CUL4A: variants seen among roughly 807,000 people sequenced by gnomAD.
The protein encoded by CUL4A is cullin-4A.
Under a neutral mutation model 95.5 loss-of-function variants are expected in CUL4A, and 16 were observed. That is an observed-to-expected ratio of 0.17 (90% CI 0.11 to 0.25). The LOEUF (loss-of-function observed/expected upper bound fraction) is 0.25. CUL4A is among the 10% of genes least tolerant of loss of function. The pLI, the probability that CUL4A is intolerant of heterozygous loss-of-function variation, is 1.00. For missense variants in CUL4A, 610 were observed against 937.0 expected, an observed-to-expected ratio of 0.65 and a Z score of 4.56; for synonymous variants, 380 against 353.1, an observed-to-expected ratio of 1.08 and a Z score of -0.85.
intron 3 of CUL4A, 164 bp downstream of exon 3, chr13:113,219,212 A>AT (rs2040807788): frequency 6.0e-6 from 3 of 499,896 alleles, no homozygotes; most frequent in Non-Finnish European, 1.0e-5. Flanking sequence ...CATTTAAATT[A>AT]TTTTGCTGAT....
intron 2 of CUL4A, among the ~76,000 whole-genome samples, chr13:113,218,479 A>G (rs761269892): frequency 6.6e-6 from 1 of 152,146 alleles, no homozygotes; most frequent in Non-Finnish European, 1.5e-5. Context: ...CACTGAGGGA[A>G]AAGATTTTCT....
intron 3 of CUL4A, among the ~76,000 whole-genome samples, chr13:113,222,625 G>A (rs960272186): frequency 1.3e-5 from 2 of 152,216 alleles, no homozygotes; most frequent in African/African-American, 4.8e-5. Flanking sequence ...TGGATGAGAT[G>A]CCCAGGAAAA....
intron 6 of CUL4A, 130 bp from the exon 7 acceptor site, chr13:113,233,767 G>A (rs1305654194): frequency 1.6e-5 from 11 of 676,690 alleles, no homozygotes; most frequent in East Asian, 2.7e-5. Context: ...GCAGCCGGCC[G>A]GCTGGGTGGC....
intron 6 of CUL4A, among the ~76,000 whole-genome samples, chr13:113,233,602 A>G (rs1337170147): frequency 6.6e-6 from 1 of 152,242 alleles, no homozygotes; most frequent in Admixed American, 6.5e-5. Context: ...TTCATGGAAA[A>G]TATAAACAGA....
At chr13:113,215,202 T>TCTCTCGTCC in intron 2 of CUL4A, among the ~76,000 whole-genome samples, 1 of 88,862 alleles carries the variant, frequency 1.1e-5, no homozygotes, top group Middle Eastern at 6.6e-3. Flanking sequence ...TATGGAGGTC[T>TCTCTCGTCC]GTGTGGGAGT....
At chr13:113,256,913 C>CTTTTTTTTTTCTTTTTTTTTTTTTT (rs1566372467) in intron 18 of CUL4A, among the ~76,000 whole-genome samples, 1 of 77,886 alleles carries the variant, frequency 1.3e-5, no homozygotes, top group Non-Finnish European at 2.4e-5. Flanking sequence ...TGCTTTGTCC[C>CTTTTTTTTTTCTTTTTTTTTTTTTT]TTTTTTTTTT....
Position 113,260,223 on chromosome 13 carries a change from T to C in CUL4A, c.2032-384T>C, listed in dbSNP as rs149515742. 3.8e-3 allele frequency among the ~76,000 whole-genome samples: 107 copies of C among 28,348 alleles called. 1 individual carries two copies. The highest frequency in any genetic ancestry group is 0.018 in the African/African-American group (100 of 5,586). The allele number at this position is 28,348 out of a possible 152,430, so 18.6% of individuals were successfully genotyped here. ...CGTCTCAAAAAAAAAAAAAAAACCA[T>C]TTCCCATCAAATTCGGTAACATCAG... On this transcript the variant is annotated intron_variant, in intron 18 of 19. Transcript: ENST00000375440.
chr13:113,235,272 A>G, intron 8 of CUL4A, 127 bp downstream of exon 8: 1 of 623,110 alleles, frequency 1.6e-6, no homozygotes, highest in South Asian at 2.2e-5. Flanking sequence ...TGCACCTAGC[A>G]TATTTTACTT....
At chr13:113,261,389 C>A (rs1364335307) in intron 19 of CUL4A, among the ~76,000 whole-genome samples, 2 of 152,180 alleles carry the variant, frequency 1.3e-5, no homozygotes, top group African/African-American at 4.8e-5. Context: ...TCCCCAGATT[C>A]CATGTTGTGC....
intron 2 of CUL4A, among the ~76,000 whole-genome samples, chr13:113,211,221 T>C (rs1485782986): frequency 6.6e-6 from 1 of 152,274 alleles, no homozygotes; most frequent in Admixed American, 6.5e-5. Flanking sequence ...TGCAGTCATG[T>C]ATTTCATAGT....
chr13:113,236,973 C>A, intron 9 of CUL4A, 83 bp downstream of exon 9: 1 of 911,738 alleles, frequency 1.1e-6, no homozygotes, highest in Non-Finnish European at 1.7e-6. Flanking sequence ...TTACAAATAG[C>A]AGTGTTAGGA....
chr13:113,240,347 C>G (rs535616832), intron 10 of CUL4A, among the ~76,000 whole-genome samples: 1 of 152,290 alleles, frequency 6.6e-6, no homozygotes, highest in East Asian at 1.9e-4. Flanking sequence ...GTTGCCCAGC[C>G]CAAGAAACCT....
chr13:113,225,072 T>G (rs1364822792), intron 3 of CUL4A, among the ~76,000 whole-genome samples: 2 of 152,200 alleles, frequency 1.3e-5, no homozygotes, highest in African/African-American at 2.4e-5. Flanking sequence ...ATAGGTAGGT[T>G]TTTTTCTATG....
intron 15 of CUL4A, among the ~76,000 whole-genome samples, chr13:113,252,121 T>C (rs1042103121): frequency 6.6e-6 from 1 of 152,126 alleles, no homozygotes; most frequent in Non-Finnish European, 1.5e-5. Context: ...ACACACAGCC[T>C]GCCCCTGAGA....
At chr13:113,231,456 G>A (rs2139175822) in intron 5 of CUL4A, among the ~76,000 whole-genome samples, 1 of 152,260 alleles carries the variant, frequency 6.6e-6, no homozygotes, top group Middle Eastern at 3.4e-3. Context: ...TGGGAGGTGG[G>A]GAGGGATAGA....
At chr13:113,236,001 G>A (rs1047185888) in intron 8 of CUL4A, among the ~76,000 whole-genome samples, 1 of 151,864 alleles carries the variant, frequency 6.6e-6, no homozygotes, top group Non-Finnish European at 1.5e-5. Context: ...ATGATACAGT[G>A]TGCAGAACTG....
chr13:113,210,432 C>T (rs1364726091), intron 2 of CUL4A, among the ~76,000 whole-genome samples: 3 of 152,178 alleles, frequency 2.0e-5, no homozygotes, highest in South Asian at 4.1e-4. Context: ...TCACTTGCCA[C>T]AGTAATAAGA....
chr13:113,209,824 C>T (rs753747287), intron 1 of CUL4A, 49 bp downstream of exon 1: 322 of 1,162,940 alleles, frequency 2.8e-4, no homozygotes, highest in Middle Eastern at 7.0e-4. Context: ...GCGGGGACCC[C>T]ACGAGACCCC....
chr13:113,224,096 T>C (rs556481082), intron 3 of CUL4A, among the ~76,000 whole-genome samples: 86 of 152,306 alleles, frequency 5.6e-4, no homozygotes, highest in African/African-American at 2.0e-3. Flanking sequence ...CTCACGCCTG[T>C]AATCCCAGTA....
Sources: allele counts gnomAD v4.1 joint callset (sites outside exome capture counted in the v4.1 genomes callset), GRCh38; gene constraint gnomAD v4.1.1; transcripts MANE v1.5; gene names NCBI Gene and HGNC (gene_info 2026-07-23, HGNC 2026-07-21).